The following NINL variants were observed in gnomAD, a reference collection of about 807,000 sequenced individuals.
NINL encodes ninein like, also known as ninein-like protein.
NINL carries 153 observed loss-of-function variants against 160.3 expected under a neutral mutation model. The observed-to-expected ratio is 0.95, with a 90% CI of 0.84 to 1.09. The LOEUF (loss-of-function observed/expected upper bound fraction) is 1.09. NINL is among the 50% of genes least tolerant of loss of function. The pLI is 0.00. For missense variants in NINL, 1,829 were observed against 1,764.0 expected (o/e 1.04, Z -0.66); for synonymous variants, 800 against 734.8 (o/e 1.09, Z -1.43).
intron 19 of NINL, 189 bp from the exon 20 acceptor site, chr20:25,462,730 C>G (rs2062822749): frequency 1.9e-6 from 1 of 529,588 alleles, no homozygotes; most frequent in African/African-American, 1.9e-5. Flanking sequence ...TCATGGTTCA[C>G]TGCAGCCGTG....
At chr20:25,523,704 G>A (rs575946246) in intron 2 of NINL, among the ~76,000 whole-genome samples, 32 of 152,106 alleles carry the variant, frequency 2.1e-4, no homozygotes, top group South Asian at 6.2e-4. Context: ...GTGCAATGGC[G>A]CGATCTTGGC....
At chr20:25,491,304 G>T in intron 11 of NINL, 47 bp downstream of exon 11, 1 of 1,564,176 alleles carries the variant, frequency 6.4e-7, no homozygotes. Context: ...TGTGGGGAAT[G>T]CTCAGGCACC....
At chr20:25,553,089 T>C (rs951757946) in intron 1 of NINL, among the ~76,000 whole-genome samples, 2 of 140,686 alleles carry the variant, frequency 1.4e-5, no homozygotes, top group Non-Finnish European at 3.0e-5. Context: ...GGAAGTTACT[T>C]CTCACCCTTG....
At chr20:25,555,984 TA>T (rs143658285) in intron 1 of NINL, among the ~76,000 whole-genome samples, 17 of 144,426 alleles carry the variant, frequency 1.2e-4, no homozygotes, top group East Asian at 2.4e-4. Context: ...TTATTTTCAA[TA>T]AAAAAAAAAA....
At chr20:25,561,457 C>G (rs561670744) in intron 1 of NINL, among the ~76,000 whole-genome samples, 8 of 152,228 alleles carry the variant, frequency 5.3e-5, no homozygotes, top group African/African-American at 1.9e-4. Flanking sequence ...GCCGCTACCC[C>G]GTCTGGGAAA....
intron 1 of NINL, among the ~76,000 whole-genome samples, chr20:25,566,484 T>C (rs2065001034): frequency 6.6e-6 from 1 of 152,000 alleles, no homozygotes; most frequent in African/African-American, 2.4e-5. Context: ...ACAAAGATTT[T>C]GCAATGATCA....
At chr20:25,566,783 G>C (rs2065003280) in intron 1 of NINL, among the ~76,000 whole-genome samples, 1 of 151,768 alleles carries the variant, frequency 6.6e-6, no homozygotes, top group Non-Finnish European at 1.5e-5. Context: ...GACACAGCAA[G>C]ACCCATCTCT....
chr20:25,499,193 T>C, intron 8 of NINL: 1 of 985,194 alleles, frequency 1.0e-6, no homozygotes, highest in Non-Finnish European at 1.2e-6. Context: ...CAATGGCATC[T>C]TGGGAGAGGC....
At position 25,528,870 on chromosome 20, in the gene NINL, C is replaced by T. The variant is rs115811556; in HGVS notation, c.-11-2272G>A. 2.9e-3 allele frequency among the ~76,000 whole-genome samples: 440 copies of T among 152,280 alleles called. 3 individuals carry two copies. Among genetic ancestry groups the T allele is most frequent in the African/African-American group, 0.01 (420 of 41,556 alleles). ...CAAGCTCATTCATAATCAAGTAATTCGTAAACATGAAACAATGAAGCAACA... is the reference window on the plus strand; with the variant it reads ...CAAGCTCATTCATAATCAAGTAATTTGTAAACATGAAACAATGAAGCAACA... On this transcript the variant is annotated intron_variant, in intron 1 of 23. Transcript: ENST00000278886.
intron 2 of NINL, among the ~76,000 whole-genome samples, chr20:25,519,832 C>A (rs777273144): frequency 6.6e-6 from 1 of 151,242 alleles, no homozygotes; most frequent in East Asian, 2.0e-4. Context: ...GCCTGGGCAA[C>A]ATGGTGAAAA....
At chr20:25,572,256 G>T (rs2147175349) in intron 1 of NINL, among the ~76,000 whole-genome samples, 2 of 145,770 alleles carry the variant, frequency 1.4e-5, no homozygotes, top group African/African-American at 2.5e-5. Context: ...ATTTATTTTT[G>T]TTTCAGTCAA....
In NINL at chr20:25,564,642, G is replaced by A. The variant is rs186843388; in HGVS notation, c.-12+20813C>T. On this transcript the variant is annotated intron_variant, in intron 1 of 23. Transcript: ENST00000278886. ...CAATTTTTGTATTTTTAGTAGACAC[G>A]GGGTTTCACCATGTTGGCCAGGCTG... Among the ~76,000 whole-genome samples, 462 of 150,702 alleles carry A rather than the reference G, an allele frequency of 3.1e-3. 2 individuals are homozygous for A. Among genetic ancestry groups the A allele is most frequent in the Non-Finnish European group, 5.6e-3 (377 of 67,664 alleles).
rs774437911 is a variant in NINL at position 25,482,063 on chromosome 20, A to G, written c.1715T>C (p.Leu572Pro). ...GGGCAGCCGCGCCCACAGGCCTTCC[A>G]GCTCAGCTTGCAGCTCATCGTTGCG... is the stretch of plus-strand genomic sequence containing the variant. ...QDRNDELQAE[L>P]EGLWARLPKN... is the part of the protein sequence containing the mutation. The change falls in exon 14 of 24, where the codon CTG becomes CCG. Residue 572 changes from leucine (L) to proline (P), a missense_variant. Coordinates refer to ENST00000278886, the MANE Select transcript of NINL (RefSeq NM_025176.6). The G allele has an allele frequency of 5.0e-6, 8 of 1,598,294 alleles. No individual in the cohort carries two copies. The highest frequency in any genetic ancestry group is 6.8e-6 in the Non-Finnish European group (8 of 1,179,710).
intron 13 of NINL, among the ~76,000 whole-genome samples, chr20:25,486,213 T>C (rs1169036132): frequency 1.3e-5 from 2 of 152,200 alleles, no homozygotes; most frequent in Admixed American, 1.3e-4. Context: ...AAAAAGTTTT[T>C]AAATATTCTA....
At chr20:25,533,040 G>A (rs544660292) in intron 1 of NINL, among the ~76,000 whole-genome samples, 3 of 152,244 alleles carry the variant, frequency 2.0e-5, no homozygotes, top group Admixed American at 6.5e-5. Flanking sequence ...TAGGAACCCC[G>A]CTGCAGAGAG....
intron 1 of NINL, among the ~76,000 whole-genome samples, chr20:25,541,094 T>C (rs1205626188): frequency 6.6e-6 from 1 of 152,210 alleles, no homozygotes; most frequent in South Asian, 2.1e-4. Context: ...GTTAAAACTG[T>C]CCTAGAACAC....
At chr20:25,455,175 G>A (rs1214584504) in intron 23 of NINL, among the ~76,000 whole-genome samples, 1 of 152,162 alleles carries the variant, frequency 6.6e-6, no homozygotes, top group Non-Finnish European at 1.5e-5. Context: ...GGACACAGCT[G>A]GACGTTCCTG....
chr20:25,462,665 T>TGTTTTG, intron 19 of NINL, 124 bp from the exon 20 acceptor site: 1 of 922,706 alleles, frequency 1.1e-6, no homozygotes. Context: ...TGTTTTGTTT[T>TGTTTTG]GTTTTTCAAG....
chr20:25,558,704 G>T (rs6132844), intron 1 of NINL, among the ~76,000 whole-genome samples: 2 of 152,328 alleles, frequency 1.3e-5, no homozygotes, highest in South Asian at 4.1e-4. Flanking sequence ...TTTTAAAATA[G>T]TTACTTCCCA....
Sources: gnomAD v4.1 joint callset for allele counts (sites outside exome capture counted in the v4.1 genomes callset) on GRCh38, gnomAD v4.1.1 for gene constraint, MANE v1.5 for transcripts, NCBI Gene and HGNC (gene_info 2026-07-23, HGNC 2026-07-21) for gene names.